MPPED1: variants seen among roughly 807,000 people sequenced by gnomAD.
The protein encoded by MPPED1 is metallophosphoesterase domain-containing protein 1.
Under a neutral mutation model 36.2 loss-of-function variants are expected in MPPED1, and 16 were observed. The ratio of observed to expected loss-of-function variants is 0.44; its 90% CI spans 0.30 to 0.67. The LOEUF (loss-of-function observed/expected upper bound fraction) is 0.67. Among genes scored for constraint, MPPED1 ranks in the 30% least tolerant of loss-of-function variants. The pLI is 0.10. For synonymous variants in MPPED1, 199 were observed against 191.3 expected, an observed-to-expected ratio of 1.04 and a Z score of -0.33; for missense variants, 307 against 453.4, an observed-to-expected ratio of 0.68 and a Z score of 2.93.
chr22:43,414,078 C>T (rs1344221832), intron 1 of MPPED1, among the ~76,000 whole-genome samples: 1 of 152,188 alleles, frequency 6.6e-6, no homozygotes, highest in Non-Finnish European at 1.5e-5. Flanking sequence ...ACAGATAGGA[C>T]AGGTTTAGAT....
intron 3 of MPPED1, among the ~76,000 whole-genome samples, chr22:43,437,009 G>A (rs529417677): frequency 6.6e-6 from 1 of 152,334 alleles, no homozygotes; most frequent in South Asian, 2.1e-4. Context: ...CTTTCCCTCA[G>A]GCCTCGCCCC....
intron 1 of MPPED1, chr22:43,416,943 A>G: frequency 4.1e-6 from 4 of 983,324 alleles, no homozygotes; most frequent in Non-Finnish European, 4.8e-6. Context: ...AAGCCCGGCG[A>G]GCCGACTGCA....
chr22:43,490,457 A>G (rs1057514494), intron 4 of MPPED1, among the ~76,000 whole-genome samples: 1 of 152,070 alleles, frequency 6.6e-6, no homozygotes, highest in African/African-American at 2.4e-5. Flanking sequence ...AGCTGGCGGG[A>G]AACTGTCACC....
At chr22:43,436,754 G>A (rs757774905) in intron 3 of MPPED1, among the ~76,000 whole-genome samples, 1 of 152,258 alleles carries the variant, frequency 6.6e-6, no homozygotes. Context: ...GGCTGGAGTC[G>A]CTGTGGGCCA....
At chr22:43,501,565 G>T (rs542001650) in intron 5 of MPPED1, among the ~76,000 whole-genome samples, 1 of 152,186 alleles carries the variant, frequency 6.6e-6, no homozygotes, top group Non-Finnish European at 1.5e-5. Context: ...GACTGTGTGC[G>T]CCAGGGTGCC....
Position 43,494,694 on chromosome 22 carries a change from AGTG to A in MPPED1, c.633-3513_633-3511del, listed in dbSNP as rs540041967. Among the ~76,000 whole-genome samples the A allele has an allele frequency of 8.8e-5, 12 of 136,890 alleles. No homozygotes were observed. In the South Asian group the frequency reaches 2.1e-3, roughly 24 times the overall value. 89.8% of individuals were successfully genotyped at this position (136,890 alleles called of 152,430 possible). A position where few individuals can be genotyped will look rare whatever the true frequency, so the allele number is the denominator to read the frequency against. ...TTTTGGGGGACACAATTTGATTCAC[AGTG>A]GTGGTGGTGGTGGTGGTGGTGGTGG... On this transcript the variant is annotated intron_variant, in intron 4 of 6. Transcript: ENST00000443721.
chr22:43,466,698 C>T (rs912943164), intron 3 of MPPED1, among the ~76,000 whole-genome samples: 8 of 152,158 alleles, frequency 5.3e-5, no homozygotes, highest in Non-Finnish European at 8.8e-5. Context: ...TATCCACCTG[C>T]CCTGATCACC....
intron 2 of MPPED1, among the ~76,000 whole-genome samples, chr22:43,428,821 C>A (rs1929574891): frequency 6.6e-6 from 1 of 151,864 alleles, no homozygotes; most frequent in African/African-American, 2.4e-5. Context: ...GACTGAGAAA[C>A]CCTATGGGGG....
At position 43,427,259 on chromosome 22, in the gene MPPED1, G is replaced by T. The variant is rs142311184; in HGVS notation, c.224+2050G>T. 1.5e-4 allele frequency among the ~76,000 whole-genome samples: 23 copies of T among 152,344 alleles called. 1 individual carries two copies. The highest frequency in any genetic ancestry group is 3.2e-4 in the Non-Finnish European group (22 of 68,030). ...CCAGGGAAAGAGGAAGACAGAGAGT[G>T]GGGGCTGAGGAGGTGCTTCCCAGTT... On this transcript the variant is annotated intron_variant, in intron 2 of 6. Transcript: ENST00000443721.
chr22:43,431,680 G>A (rs1293846094), intron 2 of MPPED1, among the ~76,000 whole-genome samples: 3 of 152,220 alleles, frequency 2.0e-5, no homozygotes, highest in Non-Finnish European at 4.4e-5. Context: ...GCTACCCATA[G>A]TACCCTGCTT....
chr22:43,507,536 G>T lies in MPPED1; in HGVS notation c.*1920G>T, dbSNP rs1023767031. 6.6e-6 allele frequency: 1 copy of T among 152,214 alleles called. No homozygotes were observed. The highest frequency in any genetic ancestry group is 1.5e-5 in the Non-Finnish European group (1 of 68,048). 9.4% of individuals were successfully genotyped at this position (152,214 alleles called of 1,614,324 possible). A position where few individuals can be genotyped will look rare whatever the true frequency, so the allele number is the denominator to read the frequency against. On this transcript the variant is annotated 3_prime_UTR_variant, in exon 7 of 7. Coordinates refer to ENST00000443721, the MANE Select transcript of MPPED1 (RefSeq NM_001044370.2). ...ATGAGGTCTCTCTGATGCCCCAGGC[G>T]CAGGACATGTGTGCGGGTGGAGAAA...
intron 5 of MPPED1, among the ~76,000 whole-genome samples, chr22:43,500,827 G>A (rs1932711734): frequency 6.6e-6 from 1 of 152,108 alleles, no homozygotes; most frequent in South Asian, 2.1e-4. Context: ...AGCTTGAGGA[G>A]TCAGGAGAGA....
chr22:43,455,097 C>A (rs1048256684), intron 3 of MPPED1, among the ~76,000 whole-genome samples: 1 of 140,714 alleles, frequency 7.1e-6, no homozygotes, highest in Non-Finnish European at 1.5e-5. Context: ...AGCTTCTCTG[C>A]CTCTCTGCCT....
chr22:43,435,056 G>A lies in MPPED1; in HGVS notation c.247G>A (p.Ala83Thr). The A allele has an allele frequency of 6.2e-7, 1 of 1,613,670 alleles. No individual in the cohort carries two copies. Among genetic ancestry groups the A allele is most frequent in the South Asian group, 1.1e-5 (1 of 91,080 alleles). Residue 83 changes from alanine (A) to threonine (T), a missense_variant, in exon 3 of 7, where the codon GCC becomes ACC. Around this residue, in one of 3 missense-constraint regions of MPPED1, gnomAD observed 169 missense variants for 212.3 expected, o/e 0.80. Transcript: ENST00000443721. The stretch of plus-strand genomic sequence containing the variant: ...CAGGGTGGACCCGGTGCCTCACGAT[G>A]CCCCCAAACCTCCAGGCTACACCCG... ...VQMVDPVPHDAPKPPGYTRFV... is the reference protein window; with the variant it reads ...VQMVDPVPHDTPKPPGYTRFV...
intron 6 of MPPED1, among the ~76,000 whole-genome samples, chr22:43,504,796 A>C (rs1228950484): frequency 3.3e-5 from 5 of 150,280 alleles, no homozygotes; most frequent in Non-Finnish European, 1.5e-5. Context: ...GATGATGTTG[A>C]TGGTGGTGAT....
intron 3 of MPPED1, among the ~76,000 whole-genome samples, chr22:43,441,186 C>T (rs1256372164): frequency 2.0e-5 from 3 of 152,214 alleles, no homozygotes; most frequent in Non-Finnish European, 2.9e-5. Context: ...ACCTCTGACC[C>T]ATCCCCTTAG....
intron 1 of MPPED1, chr22:43,417,898 A>G: frequency 2.6e-6 from 1 of 383,712 alleles, no homozygotes; most frequent in Non-Finnish European, 5.2e-6. Context: ...TGCGTCTAGG[A>G]TCCTGGTGAA....
chr22:43,425,245 G>T, intron 2 of MPPED1, 36 bp downstream of exon 2: 1 of 1,018,858 alleles, frequency 9.8e-7, no homozygotes, highest in Non-Finnish European at 1.4e-6. Context: ...TGGGGGCGGT[G>T]ACGGCCCCCT....
intron 4 of MPPED1, among the ~76,000 whole-genome samples, chr22:43,480,336 C>T (rs1245600354): frequency 6.6e-6 from 1 of 152,140 alleles, no homozygotes; most frequent in Non-Finnish European, 1.5e-5. Context: ...CAAGCCAGAC[C>T]CCCTGCTCAG....
Sources: gnomAD v4.1 joint callset for allele counts (sites outside exome capture counted in the v4.1 genomes callset) on GRCh38, gnomAD v4.1.1 for gene constraint, gnomAD v4.1.1 regional missense constraint, MANE v1.5 for transcripts, NCBI Gene and HGNC (gene_info 2026-07-23, HGNC 2026-07-21) for gene names.